Variants in HIVEP1 observed in about 807,000 individuals in gnomAD.
HIVEP1 encodes the protein zinc finger protein 40.
HIVEP1 carries 36 observed loss-of-function variants against 180.0 expected under a neutral mutation model. That is an observed-to-expected ratio of 0.20 (90% confidence interval 0.15 to 0.26). The LOEUF is 0.26. Ranked by LOEUF, HIVEP1 falls within the 10% of genes least tolerant of loss-of-function variation. HIVEP1 has a pLI of 1.00. For missense variants in HIVEP1, 3,143 were observed against 3,268.7 expected (o/e 0.96, Z 0.94); for synonymous variants, 1,239 against 1,239.0 (o/e 1.00, Z 0.00).
At chr6:12,167,675 T>TATATGTGTATAATATATATACATATATAC (rs1581823487), downstream of HIVEP1, among the ~76,000 whole-genome samples, 2 of 21,500 alleles carry the variant, frequency 9.3e-5, no homozygotes, top group Non-Finnish European at 1.8e-4. Flanking sequence ...CATATATACA[T>TATATGTGTATAATATATATACATATATAC]ATATGTGTAT....
rs1220620868 is a variant in HIVEP1 at position 12,012,429 on chromosome 6, G to C, written c.-241G>C. 6.7e-6 allele frequency: 1 copy of C among 149,374 alleles called. No individual in the cohort carries two copies. Among genetic ancestry groups the C allele is most frequent in the East Asian group, 2.0e-4 (1 of 5,120 alleles). The allele number at this position is 149,374 out of a possible 1,614,324, so 9.3% of individuals were successfully genotyped here. Reference sequence around the variant, plus strand: ...TTATGTTTGTGTTTGGGGTTGTCAAGTGAAGGAGGGATCCCAGGCGCCGCC... The same window carrying C: ...TTATGTTTGTGTTTGGGGTTGTCAACTGAAGGAGGGATCCCAGGCGCCGCC... On this transcript the variant is annotated 5_prime_UTR_variant, in exon 1 of 9. Coordinates refer to ENST00000379388, the MANE Select transcript of HIVEP1 (RefSeq NM_002114.4).
At chr6:12,108,287 T>C (rs1481039422) in intron 3 of HIVEP1, among the ~76,000 whole-genome samples, 4 of 152,210 alleles carry the variant, frequency 2.6e-5, no homozygotes, top group Non-Finnish European at 5.9e-5. Context: ...ATAAAGATTC[T>C]CCGCGTCCCC....
intron 3 of HIVEP1, among the ~76,000 whole-genome samples, chr6:12,116,640 T>C (rs1321167081): frequency 6.6e-6 from 1 of 152,128 alleles, no homozygotes; most frequent in African/African-American, 2.4e-5. Flanking sequence ...GAGTGGGCTT[T>C]ATCCCTTGAA....
chr6:12,118,680 G>T (rs1269329289), intron 3 of HIVEP1, among the ~76,000 whole-genome samples: 1 of 151,872 alleles, frequency 6.6e-6, no homozygotes, highest in African/African-American at 2.4e-5. Context: ...GAGTTAAAGT[G>T]GTGATTTTTT....
intron 2 of HIVEP1, among the ~76,000 whole-genome samples, chr6:12,076,502 C>G (rs1210219449): frequency 6.6e-6 from 1 of 152,116 alleles, no homozygotes; most frequent in African/African-American, 2.4e-5. Context: ...GGCTGGGATT[C>G]CAAGATCAAG....
At chr6:12,110,044 A>G (rs1018034382) in intron 3 of HIVEP1, among the ~76,000 whole-genome samples, 3 of 152,246 alleles carry the variant, frequency 2.0e-5, no homozygotes, top group Admixed American at 6.5e-5. Context: ...TTCAATGAGC[A>G]GTGATATTTT....
chr6:12,104,425 CTTTTT>C lies in HIVEP1; in HGVS notation c.94+15208_94+15212del, dbSNP rs70981665. 9.7e-3 allele frequency among the ~76,000 whole-genome samples: 703 copies of C among 72,714 alleles called. 5 individuals are homozygous for C. Among genetic ancestry groups the C allele is most frequent in the African/African-American group, 0.036 (637 of 17,918 alleles). 47.7% of individuals were successfully genotyped at this position (72,714 alleles called of 152,430 possible). On this transcript the variant is annotated intron_variant, in intron 3 of 8. Coordinates refer to ENST00000379388, the MANE Select transcript of HIVEP1 (RefSeq NM_002114.4). ...CTCTCTCTCTCTCTCCTTTTCTTTC[CTTTTT>C]TTTTTTTTTTTTTTTTTTTCTGAGA...
In HIVEP1 at chr6:12,115,216, A is replaced by C. The variant is rs988035809; in HGVS notation, c.95-4674A>C. 2.0e-5 allele frequency among the ~76,000 whole-genome samples: 3 copies of C among 152,164 alleles called. No individual in the cohort carries two copies. In the East Asian group the frequency reaches 5.8e-4, roughly 29 times the overall value. On this transcript the variant is annotated intron_variant, in intron 3 of 8. Coordinates refer to ENST00000379388, the MANE Select transcript of HIVEP1 (RefSeq NM_002114.4). ...TAATCCTGAAAAACAGCTGACAGTGATATTTCAAACTCGTTGGTGCTCTTC... is the reference window on the plus strand; with the variant it reads ...TAATCCTGAAAAACAGCTGACAGTGCTATTTCAAACTCGTTGGTGCTCTTC...
chr6:12,191,042 G>A, the HIVEP1 span, among the ~76,000 whole-genome samples: 107 of 151,760 alleles, frequency 7.1e-4, no homozygotes, highest in African/African-American at 2.4e-3. Context: ...CAATCTCCAA[G>A]TTTTGATAAC....
At chr6:12,157,045 A>G (rs1362314213) in intron 7 of HIVEP1, among the ~76,000 whole-genome samples, 1 of 152,130 alleles carries the variant, frequency 6.6e-6, no homozygotes, top group African/African-American at 2.4e-5. Flanking sequence ...GATGACCTAT[A>G]TCATTATGTA....
chr6:12,161,867 T>C lies in HIVEP1; in HGVS notation c.6916T>C (p.Tyr2306His), dbSNP rs761150180. 3 of 1,613,790 alleles carry C rather than the reference T, an allele frequency of 1.9e-6. No individual in the cohort carries two copies. Among genetic ancestry groups the C allele is most frequent in the East Asian group, 4.5e-5 (2 of 44,882 alleles). Reference protein sequence around the residue: ...RSPCHQMSVDYPESEEILRSS... With the variant: ...RSPCHQMSVDHPESEEILRSS... ...CCCGTGTCATCAGATGTCTGTGGAC[T>C]ACCCTGAGTCAGAAGAAATTCTGAG... The change falls in exon 8 of 9, where the codon TAC becomes CAC. Residue 2306 changes from tyrosine to histidine, a missense_variant. Tyr to His is a moderately conservative substitution (Grantham distance 83). This residue lies in a region of HIVEP1 where 595 missense variants were observed against 602.2 expected (regional missense o/e 0.99). Coordinates refer to ENST00000379388, the MANE Select transcript of HIVEP1 (RefSeq NM_002114.4).
chr6:12,122,240 C>T lies in HIVEP1; in HGVS notation c.2445C>T (p.Thr815=), dbSNP rs1757720754. ...SSSDIPKSPF[T]PTEKSKQVFL... is the part of the protein sequence containing the mutation. Reference sequence around the variant, plus strand: ...CTGATATACCGAAGTCACCTTTCACCCCTACTGAAAAATCAAAGCAAGTGT... The same window carrying T: ...CTGATATACCGAAGTCACCTTTCACTCCTACTGAAAAATCAAAGCAAGTGT... Residue 815 remains threonine, a synonymous_variant, in exon 4 of 9, where the codon ACC becomes ACT. Transcript: ENST00000379388. The T allele has an allele frequency of 2.5e-6, 4 of 1,614,000 alleles. No individual in the cohort carries two copies. In the South Asian group the frequency reaches 3.3e-5, roughly 13 times the overall value.
chr6:12,161,412 C>T (rs764681976), intron 7 of HIVEP1, 27 bp from the exon 8 acceptor site: 1 of 1,590,574 alleles, frequency 6.3e-7, no homozygotes, highest in South Asian at 1.1e-5. Context: ...AGCATTCCAT[C>T]ACATACCTCT....
intron 2 of HIVEP1, among the ~76,000 whole-genome samples, chr6:12,074,106 AT>A (rs1405664768): frequency 2.6e-5 from 4 of 152,256 alleles, no homozygotes; most frequent in Non-Finnish European, 5.9e-5. Context: ...GCATGAAAAC[AT>A]TTTATTTGAT....
At chr6:12,108,902 C>T (rs917470186) in intron 3 of HIVEP1, among the ~76,000 whole-genome samples, 3 of 152,254 alleles carry the variant, frequency 2.0e-5, no homozygotes, top group Non-Finnish European at 2.9e-5. Context: ...GCAGAGGAGG[C>T]GCCGAGAGGG....
At chr6:12,178,916 A>G in the HIVEP1 span, among the ~76,000 whole-genome samples, 1 of 152,262 alleles carries the variant, frequency 6.6e-6, no homozygotes, top group Non-Finnish European at 1.5e-5. Context: ...AGAACTAAAA[A>G]GAAAGCGTTA....
chr6:12,161,801 G>A lies in HIVEP1; in HGVS notation c.6850G>A (p.Asp2284Asn), dbSNP rs201556755. The part of the protein sequence containing the change: ...PGKARQRAAR[D>N]ENDTIPSVDT... ...GAAGGCCAGGCAGCGTGCTGCGAGA[G>A]ATGAAAACGACACAATTCCGTCTGT... is the stretch of plus-strand genomic sequence containing the variant. The change falls in exon 8 of 9, where the codon GAT (aspartate) becomes AAT (asparagine). Residue 2284 changes from aspartate (D) to asparagine (N), a missense_variant. Asp to Asn is a conservative substitution (Grantham distance 23). Transcript: ENST00000379388. 1.2e-6 allele frequency: 2 copies of A among 1,614,204 alleles called. No homozygotes were observed.
Position 12,121,281 on chromosome 6 carries a change from G to A in HIVEP1, c.1486G>A (p.Glu496Lys), listed in dbSNP as rs1471241417. The A allele has an allele frequency of 3.7e-6, 6 of 1,614,150 alleles. No individual in the cohort carries two copies. The highest frequency in any genetic ancestry group is 3.4e-6 in the Non-Finnish European group (4 of 1,180,028). ...HSDVEDSGES[E>K]EEGATDERQH... Reference sequence around the variant, plus strand: ...AGACGTAGAAGACAGTGGGGAGAGCGAGGAGGAAGGCGCCACTGATGAGAG... The same window carrying A: ...AGACGTAGAAGACAGTGGGGAGAGCAAGGAGGAAGGCGCCACTGATGAGAG... The change falls in exon 4 of 9, where the codon GAG becomes AAG. Residue 496 changes from glutamate (E) to lysine (K), a missense_variant. Around this residue, in one of 12 missense-constraint regions of HIVEP1, gnomAD observed 365 missense variants for 344.4 expected, o/e 1.06. Transcript: ENST00000379388. This position sits in a 1 kb window ranked among gnomAD's most constrained non-coding sequence, Gnocchi z 5.3.
downstream of HIVEP1, among the ~76,000 whole-genome samples, chr6:12,166,147 GT>G (rs1562022733): frequency 6.6e-6 from 1 of 152,126 alleles, no homozygotes. Context: ...AATGAGGTCT[GT>G]TTTCTGTCCA....
Sources: allele counts gnomAD v4.1 joint callset (sites outside exome capture counted in the v4.1 genomes callset), GRCh38; gene constraint gnomAD v4.1.1; regional missense constraint gnomAD v4.1.1; non-coding constraint Gnocchi (gnomAD v3.1); transcripts MANE v1.5; gene names NCBI Gene and HGNC (gene_info 2026-07-23, HGNC 2026-07-21).